The following TNNI3K variants were observed in gnomAD, a reference collection of about 807,000 sequenced individuals.
The protein encoded by TNNI3K is TNNI3 interacting kinase.
In TNNI3K, 140 loss-of-function variants were observed where a neutral mutation model predicts 114.5. The ratio of observed to expected loss-of-function variants is 1.22; its 90% confidence interval spans 1.07 to 1.41. The LOEUF (loss-of-function observed/expected upper bound fraction) is 1.41. TNNI3K is among the 40% of genes most tolerant of loss of function. The probability of loss-of-function intolerance (pLI) is 0.00; values close to 1 mark genes in which losing one functional copy is unlikely to be tolerated. For synonymous variants in TNNI3K, 347 were observed against 347.5 expected (o/e 1.00, Z 0.02); for missense variants, 1,125 against 1,007.6 (o/e 1.12, Z -1.58).
intron 20 of TNNI3K, among the ~76,000 whole-genome samples, chr1:74,445,680 G>A (rs1447120485): frequency 6.3e-5 from 9 of 143,760 alleles, no homozygotes; most frequent in Admixed American, 2.8e-4. Context: ...GCGGGATCTC[G>A]GCTCACTGCA....
chr1:74,343,231 GCAC>G (rs746335267), intron 9 of TNNI3K, 52 bp downstream of exon 9: 2 of 1,545,880 alleles, frequency 1.3e-6, no homozygotes, highest in Non-Finnish European at 1.8e-6. Flanking sequence ...ACACTCTAAA[GCAC>G]CTGAAGTTGT....
At chr1:74,352,737 G>A (rs147369849) in intron 9 of TNNI3K, among the ~76,000 whole-genome samples, 5,194 of 152,258 alleles carry the variant, frequency 0.034, 123 homozygotes, top group Non-Finnish European at 0.049. Context: ...AGCAATGAGC[G>A]AGGCTCCGTG....
At chr1:74,382,063 G>A (rs45618533) in intron 17 of TNNI3K, among the ~76,000 whole-genome samples, 8,444 of 152,242 alleles carry the variant, frequency 0.055, 291 homozygotes, top group Non-Finnish European at 0.079. Context: ...TTGTCCTTCC[G>A]ACCATAAACA....
intron 5 of TNNI3K, among the ~76,000 whole-genome samples, chr1:74,275,181 CA>C (rs1656604242): frequency 6.6e-6 from 1 of 151,932 alleles, no homozygotes; most frequent in African/African-American, 2.4e-5. Context: ...CGAGACTGGG[CA>C]ATTTACAAAA....
intron 2 of TNNI3K, among the ~76,000 whole-genome samples, chr1:74,243,507 A>G (rs983409308): frequency 2.0e-5 from 3 of 152,178 alleles, no homozygotes; most frequent in Non-Finnish European, 4.4e-5. Flanking sequence ...GCTTTAAAAT[A>G]TATCTACCTG....
Position 74,523,557 on chromosome 1 carries a change from T to A in TNNI3K, c.2352-16677T>A, listed in dbSNP as rs180766189. Among the ~76,000 whole-genome samples, 309 of 152,306 alleles carry A rather than the reference T, an allele frequency of 2.0e-3. 1 individual carries two copies. The highest frequency in any genetic ancestry group is 7.0e-3 in the African/African-American group (292 of 41,564). On this transcript the variant is annotated intron_variant, in intron 23 of 24. Transcript: ENST00000326637. ...TTATAGGCTATGCCTGGCCATTAGC[T>A]GCTTATAGTAATTTCGGTGAATATT...
At chr1:74,435,956 G>T in intron 17 of TNNI3K, 124 bp from the exon 18 acceptor site, 2 of 1,261,850 alleles carry the variant, frequency 1.6e-6, no homozygotes, top group South Asian at 1.8e-5. Context: ...TTAGCCCTTT[G>T]GGGCCCATTT....
At chr1:74,465,408 C>A (rs1174216291) in intron 21 of TNNI3K, among the ~76,000 whole-genome samples, 2 of 152,216 alleles carry the variant, frequency 1.3e-5, no homozygotes, top group African/African-American at 4.8e-5. Flanking sequence ...CCTGAGCCAG[C>A]AGCTGCAGAG....
intron 7 of TNNI3K, among the ~76,000 whole-genome samples, chr1:74,339,391 T>A (rs368100365): frequency 6.6e-6 from 1 of 152,142 alleles, no homozygotes; most frequent in East Asian, 1.9e-4. Flanking sequence ...GAAGATCTGC[T>A]ATGCCAATGG....
At chr1:74,244,793 G>A (rs1043044877) in intron 2 of TNNI3K, among the ~76,000 whole-genome samples, 4 of 151,482 alleles carry the variant, frequency 2.6e-5, no homozygotes, top group Admixed American at 2.6e-4. Context: ...TTATTGAATG[G>A]ATCATCAAAT....
chr1:74,482,457 A>G (rs1668553388), intron 21 of TNNI3K, among the ~76,000 whole-genome samples: 1 of 152,186 alleles, frequency 6.6e-6, no homozygotes, highest in African/African-American at 2.4e-5. Flanking sequence ...GTGTTAAAGC[A>G]TTTTCAATAC....
intron 5 of TNNI3K, among the ~76,000 whole-genome samples, chr1:74,324,107 C>G (rs1308520347): frequency 6.6e-6 from 1 of 152,214 alleles, no homozygotes; most frequent in Non-Finnish European, 1.5e-5. Context: ...TAGTCCTGCC[C>G]TGACAGGGCT....
At chr1:74,443,339 T>C (rs1236556427) in intron 20 of TNNI3K, among the ~76,000 whole-genome samples, 1 of 151,552 alleles carries the variant, frequency 6.6e-6, no homozygotes, top group Non-Finnish European at 1.5e-5. Flanking sequence ...TAATTGTGAC[T>C]CCACAGAAAT....
At chr1:74,522,668 A>C (rs1646450284) in intron 23 of TNNI3K, among the ~76,000 whole-genome samples, 1 of 151,324 alleles carries the variant, frequency 6.6e-6, no homozygotes, top group Non-Finnish European at 1.5e-5. Flanking sequence ...GAGAGAGAGA[A>C]AGAGAAAGAG....
intron 23 of TNNI3K, among the ~76,000 whole-genome samples, chr1:74,516,561 A>G (rs967479653): frequency 3.9e-5 from 6 of 152,116 alleles, no homozygotes; most frequent in Admixed American, 3.9e-4. Context: ...GCAATAGAGG[A>G]TGAGGCTGGA....
chr1:74,460,128 T>A (rs1376910317), intron 20 of TNNI3K, among the ~76,000 whole-genome samples: 1 of 151,628 alleles, frequency 6.6e-6, no homozygotes, highest in East Asian at 1.9e-4. Context: ...CAGGCTGGAG[T>A]GCAGTGGCAC....
intron 23 of TNNI3K, among the ~76,000 whole-genome samples, chr1:74,517,704 C>T (rs1345981450): frequency 6.6e-6 from 1 of 152,110 alleles, no homozygotes; most frequent in Non-Finnish European, 1.5e-5. Flanking sequence ...GTAAAGAGTA[C>T]GACTGGTAAA....
chr1:74,475,275 C>A, intron 21 of TNNI3K: 1 of 625,814 alleles, frequency 1.6e-6, no homozygotes, highest in Non-Finnish European at 2.9e-6. Flanking sequence ...GTGGGATTTT[C>A]TAAAACAAGA....
At chr1:74,397,175 T>C (rs1664128383) in intron 17 of TNNI3K, among the ~76,000 whole-genome samples, 1 of 145,130 alleles carries the variant, frequency 6.9e-6, no homozygotes, top group Non-Finnish European at 1.5e-5. Context: ...AGAAACCGAG[T>C]ATGAGGGAGA....
Sources: gnomAD v4.1 joint callset for allele counts (sites outside exome capture counted in the v4.1 genomes callset) on GRCh38, gnomAD v4.1.1 for gene constraint, MANE v1.5 for transcripts, NCBI Gene and HGNC (gene_info 2026-07-23, HGNC 2026-07-21) for gene names.